The following CACNA2D3 variants were observed in gnomAD, a reference collection of about 807,000 sequenced individuals.
CACNA2D3 encodes the protein voltage-dependent calcium channel subunit alpha-2/delta-3.
Under a neutral mutation model 160.6 loss-of-function variants are expected in CACNA2D3, and 60 were observed. The observed-to-expected ratio is 0.37, with a 90% CI of 0.30 to 0.46. The LOEUF is 0.46. Among genes scored for constraint, CACNA2D3 ranks in the 20% least tolerant of loss-of-function variants. CACNA2D3 has a pLI of 1.00. For synonymous variants in CACNA2D3, 558 were observed against 492.9 expected (o/e 1.13, Z -1.75); for missense variants, 1,205 against 1,365.0 (o/e 0.88, Z 1.85).
At position 54,493,107 on chromosome 3, in the gene CACNA2D3, A is replaced by T. The variant is rs560560322; in HGVS notation, c.382-10385A>T. Among the ~76,000 whole-genome samples, 107 of 107,002 alleles carry T rather than the reference A, an allele frequency of 1.0e-3. 1 individual carries two copies. The highest frequency in any genetic ancestry group is 3.6e-3 in the African/African-American group (96 of 26,392). 70.2% of individuals were successfully genotyped at this position (107,002 alleles called of 152,430 possible). A position where few individuals can be genotyped will look rare whatever the true frequency, so the allele number is the denominator to read the frequency against. On this transcript the variant is annotated intron_variant, in intron 4 of 37. Coordinates refer to ENST00000474759, the MANE Select transcript of CACNA2D3 (RefSeq NM_018398.3). ...TTTTTTTTTTTTTGGAGACGGAGTC[A>T]GGCTCTGTCACCCAGGCTGGAGTAC...
At chr3:54,322,562 A>C (rs1704027533) in intron 3 of CACNA2D3, among the ~76,000 whole-genome samples, 1 of 152,082 alleles carries the variant, frequency 6.6e-6, no homozygotes, top group Non-Finnish European at 1.5e-5. Context: ...TAATTTTTAC[A>C]CCTAGGTGGT....
intron 17 of CACNA2D3, among the ~76,000 whole-genome samples, chr3:54,865,697 G>A (rs1047129435): frequency 1.3e-5 from 2 of 152,220 alleles, no homozygotes; most frequent in Non-Finnish European, 2.9e-5. Context: ...CTTTGCCTGT[G>A]AAGGAACTTC....
At chr3:54,380,353 G>A (rs1410438099) in intron 3 of CACNA2D3, among the ~76,000 whole-genome samples, 1 of 152,224 alleles carries the variant, frequency 6.6e-6, no homozygotes, top group Non-Finnish European at 1.5e-5. Context: ...AGCATGTCAA[G>A]TTCAAGCCCT....
rs188211398 is a variant in CACNA2D3, at chr3:54,322,205, G to A, written c.321+1647G>A. 5.4e-3 allele frequency among the ~76,000 whole-genome samples: 825 copies of A among 152,316 alleles called. 5 individuals are homozygous for A. The highest frequency in any genetic ancestry group is 8.7e-3 in the Non-Finnish European group (590 of 68,032). Reference sequence around the variant, plus strand: ...CCTCCTTGAGGCAGTGGGCCCACGTGGTCAGTGAGACATGGGCTCTGAAAG... The same window carrying A: ...CCTCCTTGAGGCAGTGGGCCCACGTAGTCAGTGAGACATGGGCTCTGAAAG... On this transcript the variant is annotated intron_variant, in intron 3 of 37. Transcript: ENST00000474759.
At chr3:54,586,158 G>A (rs1702756632) in intron 9 of CACNA2D3, among the ~76,000 whole-genome samples, 1 of 151,728 alleles carries the variant, frequency 6.6e-6, no homozygotes, top group South Asian at 2.1e-4. Context: ...CAGCTACTTG[G>A]GAGGCTGAGG....
chr3:54,547,592 T>C (rs569576338), intron 5 of CACNA2D3, among the ~76,000 whole-genome samples: 1 of 151,782 alleles, frequency 6.6e-6, no homozygotes, highest in South Asian at 2.1e-4. Flanking sequence ...GGGGGCTGAA[T>C]GGATTCAGCA....
chr3:54,833,736 C>A (rs1347461711), intron 14 of CACNA2D3, among the ~76,000 whole-genome samples: 1 of 152,116 alleles, frequency 6.6e-6, no homozygotes, highest in Non-Finnish European at 1.5e-5. Flanking sequence ...AGAGTCCAGA[C>A]CTGTGGGGAC....
intron 4 of CACNA2D3, among the ~76,000 whole-genome samples, chr3:54,391,491 G>A (rs1241183506): frequency 6.7e-6 from 1 of 150,022 alleles, no homozygotes; most frequent in Non-Finnish European, 1.5e-5. Context: ...TGGCGGGGTG[G>A]CTTTCTTTCT....
chr3:54,770,103 G>A (rs1005259452), intron 13 of CACNA2D3, among the ~76,000 whole-genome samples: 6 of 152,014 alleles, frequency 3.9e-5, no homozygotes, highest in Admixed American at 6.5e-5. Flanking sequence ...CGACACTTGC[G>A]GCTGCAGCTG....
chr3:54,680,496 A>C (rs1223464895), intron 11 of CACNA2D3, among the ~76,000 whole-genome samples: 1 of 152,224 alleles, frequency 6.6e-6, no homozygotes, highest in Admixed American at 6.5e-5. Flanking sequence ...GTCTTGCCTG[A>C]GGAGACTTCT....
At chr3:55,035,663 T>C (rs1262659914) in intron 35 of CACNA2D3, among the ~76,000 whole-genome samples, 2 of 152,238 alleles carry the variant, frequency 1.3e-5, no homozygotes, top group Non-Finnish European at 2.9e-5. Flanking sequence ...ATAAAGGACA[T>C]GGGCTTCAAA....
chr3:54,464,871 T>C (rs1157474429), intron 4 of CACNA2D3, among the ~76,000 whole-genome samples: 1 of 152,220 alleles, frequency 6.6e-6, no homozygotes, highest in African/African-American at 2.4e-5. Context: ...CTGCGTCGCT[T>C]ACGCTGGGAG....
At chr3:54,205,274 G>A (rs1701254273) in intron 2 of CACNA2D3, among the ~76,000 whole-genome samples, 1 of 152,122 alleles carries the variant, frequency 6.6e-6, no homozygotes, top group African/African-American at 2.4e-5. Flanking sequence ...GTTTTTTATG[G>A]TAGAGACGGG....
intron 27 of CACNA2D3, among the ~76,000 whole-genome samples, chr3:54,934,833 G>C (rs1306678909): frequency 6.6e-6 from 1 of 152,164 alleles, no homozygotes; most frequent in African/African-American, 2.4e-5. Flanking sequence ...CAAGGTTCAA[G>C]TGATTCTCAT....
intron 35 of CACNA2D3, among the ~76,000 whole-genome samples, chr3:55,040,151 T>C (rs184713823): frequency 2.0e-5 from 3 of 152,252 alleles, no homozygotes; most frequent in Admixed American, 2.0e-4. Flanking sequence ...GGTTCGTCTC[T>C]GGTTTCTTCT....
rs1048711613 is a variant in CACNA2D3 at position 54,464,641 on chromosome 3, G to A, written c.382-38851G>A. 2.0e-5 allele frequency among the ~76,000 whole-genome samples: 3 copies of A among 152,236 alleles called. No homozygotes were observed. The South Asian group carries it at 6.2e-4, about 31-fold the overall frequency. ...AGCCCGTCGGAAAAGGGCAGTATTA[G>A]GGTGGGAGTGACCCAATTTTCCAAG... is the stretch of plus-strand genomic sequence containing the variant. On this transcript the variant is annotated intron_variant, in intron 4 of 37. Coordinates refer to ENST00000474759, the MANE Select transcript of CACNA2D3 (RefSeq NM_018398.3).
intron 27 of CACNA2D3, among the ~76,000 whole-genome samples, chr3:54,906,860 CACACT>C (rs1239381279): frequency 6.6e-6 from 1 of 152,194 alleles, no homozygotes; most frequent in Non-Finnish European, 1.5e-5. Flanking sequence ...AGCTATAGGT[CACACT>C]TTATTTAAAG....
chr3:54,703,927 C>A (rs1330636700), intron 11 of CACNA2D3, among the ~76,000 whole-genome samples: 3 of 152,098 alleles, frequency 2.0e-5, no homozygotes, highest in Admixed American at 6.5e-5. Flanking sequence ...TAGTTCAGAC[C>A]CCTACCTCTA....
intron 3 of CACNA2D3, among the ~76,000 whole-genome samples, chr3:54,374,067 T>C (rs528639607): frequency 6.6e-6 from 1 of 152,288 alleles, no homozygotes; most frequent in East Asian, 1.9e-4. Flanking sequence ...TTTTAAGGAA[T>C]ATCTTTAGGC....
Sources: allele counts gnomAD v4.1 joint callset (sites outside exome capture counted in the v4.1 genomes callset), GRCh38; gene constraint gnomAD v4.1.1; transcripts MANE v1.5; gene names NCBI Gene and HGNC (gene_info 2026-07-23, HGNC 2026-07-21).